Variants in IL4I1 observed in about 807,000 individuals in gnomAD.
The protein encoded by IL4I1 is interleukin 4 induced 1.
In IL4I1, 24 loss-of-function variants were observed where a neutral mutation model predicts 29.7. The observed-to-expected ratio is 0.81, with a 90% CI of 0.59 to 1.14. The LOEUF (loss-of-function observed/expected upper bound fraction) is 1.14. Ranked by LOEUF, IL4I1 falls within the 50% of genes most tolerant of loss-of-function variation. The pLI, the probability that IL4I1 is intolerant of heterozygous loss-of-function variation, is 0.00. For synonymous variants in IL4I1, 371 were observed against 352.5 expected (o/e 1.05, Z -0.59); for missense variants, 686 against 785.6 (o/e 0.87, Z 1.52).
At chr19:49,908,704 A>C in intron 2 of IL4I1, 2 of 1,612,390 alleles carry the variant, frequency 1.2e-6, no homozygotes, top group Non-Finnish European at 1.7e-6. Flanking sequence ...TCTTTTCTCC[A>C]TTCTCGATCA....
At chr19:49,907,652 C>T (rs931996327) in intron 2 of IL4I1, 4 of 376,364 alleles carry the variant, frequency 1.1e-5, no homozygotes, top group East Asian at 7.7e-5. Flanking sequence ...CCTGCCTCAG[C>T]CTCCCGAGTA....
chr19:49,914,742 T>G (rs1472233379), intron 2 of IL4I1, among the ~76,000 whole-genome samples: 6 of 128,676 alleles, frequency 4.7e-5, no homozygotes, highest in African/African-American at 1.2e-4. Context: ...TTTTTTTTTT[T>G]TTTTTTTTTT....
chr19:49,904,825 T>A (rs1325275921), intron 2 of IL4I1, among the ~76,000 whole-genome samples: 3 of 152,206 alleles, frequency 2.0e-5, no homozygotes, highest in African/African-American at 4.8e-5. Context: ...TTCTCCTGCC[T>A]CAGTCTCCCG....
At chr19:49,916,855 A>C (rs111859357) in intron 2 of IL4I1, among the ~76,000 whole-genome samples, 1 of 152,118 alleles carries the variant, frequency 6.6e-6, no homozygotes, top group Non-Finnish European at 1.5e-5. Flanking sequence ...CAGGAGTTTG[A>C]GGCTGCAGTG....
In IL4I1 at chr19:49,908,988, C is replaced by T. The variant is rs146715494; in HGVS notation, c.-227-4667G>A. ...GTGGTGGTGGCGGTGGCGGTGGCAGCGGTGGATGTTGTTGTGGAGGTGCCG... is the reference window on the plus strand; with the variant it reads ...GTGGTGGTGGCGGTGGCGGTGGCAGTGGTGGATGTTGTTGTGGAGGTGCCG... On this transcript the variant is annotated intron_variant, in intron 2 of 9. Coordinates refer to the IL4I1 transcript ENST00000341114. 142 of 1,610,124 alleles carry T rather than the reference C, an allele frequency of 8.8e-5. No individual in the cohort carries two copies. In the African/African-American group the frequency reaches 1.4e-3, roughly 16 times the overall value.
chr19:49,889,888 A>G lies in IL4I1; in HGVS notation c.1486T>C (p.Ser496Pro). The change falls in exon 8 of 8, where the codon TCG becomes CCG. Residue 496 changes from serine to proline, a missense_variant. By Grantham distance (74) the Ser-to-Pro change is moderately conservative (BLOSUM62 -1). Transcript: ENST00000391826. ...PHGWVETAVK[S>P]ALRAAIKINS... is the part of the protein sequence containing the mutation. ...ATCTTGATGGCGGCGCGCAGCGCCG[A>G]CTTGACCGCCGTCTCCACCCAGCCG... 6.2e-7 allele frequency: 1 copy of G among 1,606,554 alleles called. No homozygotes were observed. Among genetic ancestry groups the G allele is most frequent in the Non-Finnish European group, 8.5e-7 (1 of 1,176,312 alleles).
At chr19:49,897,408 C>G (rs1040027410), upstream of IL4I1, among the ~76,000 whole-genome samples, 1 of 152,100 alleles carries the variant, frequency 6.6e-6, no homozygotes, top group African/African-American at 2.4e-5. Flanking sequence ...CAGCCGTGGT[C>G]CCGGGGTCAG....
chr19:49,891,559 T>A (rs897953988), intron 5 of IL4I1, 86 bp from the exon 6 acceptor site: 1 of 1,222,738 alleles, frequency 8.2e-7, no homozygotes, highest in African/African-American at 1.5e-5. Flanking sequence ...CGGCTTCTCC[T>A]CGTGGTTCTG....
At chr19:49,916,964 T>C (rs2075640499) in intron 2 of IL4I1, among the ~76,000 whole-genome samples, 1 of 152,218 alleles carries the variant, frequency 6.6e-6, no homozygotes, top group Non-Finnish European at 1.5e-5. Context: ...CAAAGGCCCA[T>C]GGCATTCGGC....
upstream of IL4I1, among the ~76,000 whole-genome samples, chr19:49,897,503 G>A (rs1169479202): frequency 6.6e-6 from 1 of 152,024 alleles, no homozygotes; most frequent in Non-Finnish European, 1.5e-5. Flanking sequence ...AGTGTTTTAG[G>A]ATCAAGTGAG....
chr19:49,891,317 C>G (rs2075135680), intron 6 of IL4I1, 88 bp downstream of exon 6: 57 of 1,488,836 alleles, frequency 3.8e-5, no homozygotes, highest in Non-Finnish European at 5.3e-5. Context: ...GACTAGGGTG[C>G]CAGGTACCCG....
upstream of IL4I1, among the ~76,000 whole-genome samples, chr19:49,897,205 T>C (rs73934063): frequency 9.8e-4 from 150 of 152,308 alleles, no homozygotes; most frequent in African/African-American, 2.7e-3. Flanking sequence ...CCCTGCACTC[T>C]CTCTGCCTCC....
In IL4I1 at chr19:49,910,400, C is replaced by T. The variant is rs188770627; in HGVS notation, c.-227-6079G>A. On this transcript the variant is annotated intron_variant, in intron 2 of 9. Transcript: ENST00000341114. ...GCAGGGTCTGGGTTGCTGAAGGCCCCCCAGGCCCACACCTGCACTCTCTAA... is the reference window on the plus strand; with the variant it reads ...GCAGGGTCTGGGTTGCTGAAGGCCCTCCAGGCCCACACCTGCACTCTCTAA... 1.9e-3 allele frequency among the ~76,000 whole-genome samples: 294 copies of T among 152,202 alleles called. 2 individuals are homozygous for T. The highest frequency in any genetic ancestry group is 3.1e-3 in the South Asian group (15 of 4,816).
At chr19:49,922,003 C>T (rs2075776279) in intron 2 of IL4I1, among the ~76,000 whole-genome samples, 1 of 152,202 alleles carries the variant, frequency 6.6e-6, no homozygotes. Context: ...ACCACGACCA[C>T]GAGGGACCAA....
In IL4I1 at chr19:49,891,459, G is replaced by A; in HGVS notation, c.582C>T (p.Leu194=). The part of the protein sequence containing the change: ...QMALNQALKD[L]KALGCRKAMK... ...TCGCCTTTCTGCAGCCCAGTGCCTT[G>A]AGGTCTTTGAGGGCCTGTTGTGGAA... The change falls in exon 6 of 8, where the codon CTC becomes CTT. Residue 194 remains leucine (L), a synonymous_variant. Transcript: ENST00000391826. 6.2e-7 allele frequency: 1 copy of A among 1,614,176 alleles called. No individual in the cohort carries two copies. The highest frequency in any genetic ancestry group is 8.5e-7 in the Non-Finnish European group (1 of 1,180,012).
At chr19:49,920,404 G>A (rs1293880599) in intron 2 of IL4I1, among the ~76,000 whole-genome samples, 1 of 152,138 alleles carries the variant, frequency 6.6e-6, no homozygotes, top group Non-Finnish European at 1.5e-5. Context: ...TTAGCGTGAT[G>A]AAAATGTTCT....
intron 5 of IL4I1, among the ~76,000 whole-genome samples, chr19:49,891,977 G>A (rs537978127): frequency 1.9e-4 from 29 of 151,962 alleles, no homozygotes; most frequent in African/African-American, 5.1e-4. Context: ...TCTACCGTCC[G>A]TCCCCTGCCC....
chr19:49,910,151 G>A (rs1440634225), intron 2 of IL4I1, among the ~76,000 whole-genome samples: 4 of 152,150 alleles, frequency 2.6e-5, no homozygotes, highest in African/African-American at 9.7e-5. Flanking sequence ...CGAGGCGGGA[G>A]AACAGGACCT....
At chr19:49,914,766 G>C (rs1277970806) in intron 2 of IL4I1, among the ~76,000 whole-genome samples, 1 of 88,390 alleles carries the variant, frequency 1.1e-5, no homozygotes, top group Non-Finnish European at 2.1e-5. Context: ...TTGAGATGGA[G>C]TCTTGCTCTG....
Sources: allele counts gnomAD v4.1 joint callset (sites outside exome capture counted in the v4.1 genomes callset), GRCh38; gene constraint gnomAD v4.1.1; transcripts MANE v1.5; gene names NCBI Gene and HGNC (gene_info 2026-07-23, HGNC 2026-07-21).